The following NAPB variants were observed in gnomAD, a reference collection of about 807,000 sequenced individuals.
NAPB encodes the protein beta-soluble NSF attachment protein.
In NAPB, 26 loss-of-function variants were observed where a neutral mutation model predicts 44.7. That is an observed-to-expected ratio of 0.58 (90% confidence interval 0.43 to 0.81). NAPB has a LOEUF of 0.81. Ranked by LOEUF, NAPB falls within the 30% of genes least tolerant of loss-of-function variation. The pLI, the probability that NAPB is intolerant of heterozygous loss-of-function variation, is 0.00. For missense variants in NAPB, 315 were observed against 356.4 expected (o/e 0.88, Z 0.94); for synonymous variants, 120 against 116.8 (o/e 1.03, Z -0.18).
At chr20:23,408,229 T>TG (rs956070576) in intron 1 of NAPB, among the ~76,000 whole-genome samples, 11 of 152,102 alleles carry the variant, frequency 7.2e-5, no homozygotes, top group Non-Finnish European at 1.3e-4. Flanking sequence ...GTGGGGAGCC[T>TG]GGGGGGATCC....
intron 1 of NAPB, among the ~76,000 whole-genome samples, chr20:23,405,020 C>T (rs545039909): frequency 6.6e-6 from 1 of 152,222 alleles, no homozygotes; most frequent in Non-Finnish European, 1.5e-5. Context: ...AAACACATCC[C>T]GGCGGGGCGA....
intron 1 of NAPB, 45 bp downstream of exon 1, chr20:23,421,260 T>C: frequency 7.2e-7 from 1 of 1,379,550 alleles, no homozygotes; most frequent in Non-Finnish European, 9.4e-7. Context: ...GGGGGCCAAG[T>C]ACGGAGACCC....
chr20:23,395,237 G>C (rs1422781597), intron 3 of NAPB, 52 bp from the exon 4 acceptor site: 6 of 1,592,020 alleles, frequency 3.8e-6, no homozygotes, highest in Non-Finnish European at 5.2e-6. Flanking sequence ...CAGTCAAAGA[G>C]GGTTCAGGTG....
intron 1 of NAPB, among the ~76,000 whole-genome samples, chr20:23,414,421 T>C (rs980386115): frequency 6.6e-6 from 1 of 152,186 alleles, no homozygotes; most frequent in African/African-American, 2.4e-5. Context: ...GACAGTACAA[T>C]ACGAGGCCTC....
At chr20:23,417,852 T>C (rs1986112712) in intron 1 of NAPB, among the ~76,000 whole-genome samples, 1 of 152,048 alleles carries the variant, frequency 6.6e-6, no homozygotes, top group Non-Finnish European at 1.5e-5. Context: ...ATCAAGCAGA[T>C]AAGGCAGAGG....
chr20:23,421,453 A>T lies in NAPB; in HGVS notation c.-51T>A. ...CCCTCAGCCGGCTCGCTGTGCGCCC[A>T]GGCGCCTTAACCCTCCCTCTGGCGG... On this transcript the variant is annotated 5_prime_UTR_variant, in exon 1 of 11. Coordinates refer to ENST00000377026, the MANE Select transcript of NAPB (RefSeq NM_022080.3). The T allele has an allele frequency of 6.6e-7, 1 of 1,507,926 alleles. No individual in the cohort carries two copies. The highest frequency in any genetic ancestry group is 1.2e-5 in the South Asian group (1 of 82,328). 93.4% of individuals were successfully genotyped at this position (1,507,926 alleles called of 1,614,324 possible).
At chr20:23,418,582 T>A (rs1317949927) in intron 1 of NAPB, among the ~76,000 whole-genome samples, 1 of 152,192 alleles carries the variant, frequency 6.6e-6, no homozygotes, top group Non-Finnish European at 1.5e-5. Context: ...GTCTTCAAAG[T>A]ATAAATCACA....
At chr20:23,387,789 G>T (rs1460272215) in intron 7 of NAPB, among the ~76,000 whole-genome samples, 1 of 152,134 alleles carries the variant, frequency 6.6e-6, no homozygotes, top group Non-Finnish European at 1.5e-5. Context: ...GTCAGACTTA[G>T]TATTGTTAAG....
Position 23,383,675 on chromosome 20 carries a change from T to C in NAPB, c.562-2358A>G, listed in dbSNP as rs529157582. On this transcript the variant is annotated intron_variant, in intron 7 of 10. Transcript: ENST00000377026. ...TAAGAAAATTTGTTGTCAGCAGACCTACCCTAAAAAAATGACAAAAGGAGG... is the reference window on the plus strand; with the variant it reads ...TAAGAAAATTTGTTGTCAGCAGACCCACCCTAAAAAAATGACAAAAGGAGG... Among the ~76,000 whole-genome samples the C allele has an allele frequency of 2.0e-5, 3 of 152,300 alleles. No homozygotes were observed. The South Asian group carries it at 6.2e-4, about 32-fold the overall frequency.
chr20:23,380,991 T>C (rs1336065700), intron 8 of NAPB: 2 of 488,896 alleles, frequency 4.1e-6, no homozygotes, highest in African/African-American at 4.0e-5. Flanking sequence ...TTGGGTGTGT[T>C]CAGGGTGGTA....
intron 3 of NAPB, 57 bp from the exon 4 acceptor site, chr20:23,395,242 C>T: frequency 1.3e-5 from 21 of 1,578,270 alleles, no homozygotes; most frequent in Non-Finnish European, 1.8e-5. Flanking sequence ...AAAGAGGGTT[C>T]AGGTGAGGCT....
intron 1 of NAPB, among the ~76,000 whole-genome samples, chr20:23,420,536 AG>A (rs1418505728): frequency 1.3e-5 from 2 of 151,726 alleles, no homozygotes; most frequent in Non-Finnish European, 2.9e-5. Context: ...TGCGCGTTCC[AG>A]GCGCCGGGGG....
At chr20:23,414,569 A>G (rs1329534963) in intron 1 of NAPB, among the ~76,000 whole-genome samples, 1 of 152,238 alleles carries the variant, frequency 6.6e-6, no homozygotes, top group Non-Finnish European at 1.5e-5. Flanking sequence ...ACAAGTCCTC[A>G]CCATGAAAAA....
At chr20:23,410,261 C>T (rs1395561765) in intron 1 of NAPB, among the ~76,000 whole-genome samples, 5 of 152,296 alleles carry the variant, frequency 3.3e-5, no homozygotes, top group Middle Eastern at 3.4e-3. Flanking sequence ...ACCTACACAA[C>T]GCAGCATTTA....
In NAPB at chr20:23,393,592, A is replaced by G. The variant is rs143033988; in HGVS notation, c.420+1330T>C. On this transcript the variant is annotated intron_variant, in intron 5 of 10. Coordinates refer to ENST00000377026, the MANE Select transcript of NAPB (RefSeq NM_022080.3). Reference sequence around the variant, plus strand: ...AAAGCAGAGACAAAGCTCTCTGCTGACACGTGTGCCCAATCTGGCGGAGGG... The same window carrying G: ...AAAGCAGAGACAAAGCTCTCTGCTGGCACGTGTGCCCAATCTGGCGGAGGG... Among the ~76,000 whole-genome samples the G allele has an allele frequency of 4.1e-3, 629 of 152,270 alleles. 6 individuals carry two copies. The highest frequency in any genetic ancestry group is 0.014 in the African/African-American group (598 of 41,556).
At chr20:23,406,903 T>C (rs1178856201) in intron 1 of NAPB, among the ~76,000 whole-genome samples, 1 of 152,256 alleles carries the variant, frequency 6.6e-6, no homozygotes, top group Non-Finnish European at 1.5e-5. Flanking sequence ...ACAGAGTTCC[T>C]ACATTATTCC....
At chr20:23,381,781 G>T (rs935847619) in intron 7 of NAPB, among the ~76,000 whole-genome samples, 10 of 152,178 alleles carry the variant, frequency 6.6e-5, no homozygotes, top group African/African-American at 2.4e-4. Context: ...CAAAGGACTA[G>T]AAAAGGGGCA....
intron 2 of NAPB, among the ~76,000 whole-genome samples, chr20:23,398,853 A>ATTTTTTTTTTTT (rs1325138900): frequency 7.4e-6 from 1 of 135,030 alleles, no homozygotes; most frequent in African/African-American, 3.1e-5. Context: ...TCAAAAAAAA[A>ATTTTTTTTTTTT]ATTTTTTTTT....
chr20:23,409,859 A>C (rs1236392096), intron 1 of NAPB, among the ~76,000 whole-genome samples: 1 of 152,220 alleles, frequency 6.6e-6, no homozygotes, highest in African/African-American at 2.4e-5. Context: ...AGAGCTAGCA[A>C]CACTGCCTCT....
Sources: allele counts gnomAD v4.1 joint callset (sites outside exome capture counted in the v4.1 genomes callset), GRCh38; gene constraint gnomAD v4.1.1; transcripts MANE v1.5; gene names NCBI Gene and HGNC (gene_info 2026-07-23, HGNC 2026-07-21).